Variants in RELN observed in about 807,000 individuals in gnomAD.
RELN encodes the protein reelin.
A neutral mutation model predicts 427.6 loss-of-function variants in RELN; 108 were observed. The observed-to-expected ratio is 0.25, with a 90% confidence interval of 0.22 to 0.30. The LOEUF (loss-of-function observed/expected upper bound fraction) is 0.30. Among genes scored for constraint, RELN ranks in the 10% least tolerant of loss-of-function variants. RELN has a pLI of 1.00. For synonymous variants in RELN, 1,524 were observed against 1,513.4 expected (o/e 1.01, Z -0.16); for missense variants, 3,715 against 4,302.8 (o/e 0.86, Z 3.82).
rs1293280259 is a variant in RELN at position 103,489,873 on chromosome 7, T to A, written c.9632A>T (p.Lys3211Met). Residue 3211 changes from lysine (K) to methionine (M), a missense_variant, in exon 60 of 65, where the codon AAG (lysine) becomes ATG (methionine). This residue lies in a region of RELN where 1,310 missense variants were observed against 1,643.0 expected (regional missense o/e 0.80). Transcript: ENST00000428762. Reference protein sequence around the residue: ...SSATQFRWIQKGEETEKQSWA... With the variant: ...SSATQFRWIQMGEETEKQSWA... ...GCTTTGCTTCTCAGTTTCTTCTCCC[T>A]TCTGGATCCAGCGGAACTGTGTTGC... 1 of 1,614,062 alleles carries A rather than the reference T, an allele frequency of 6.2e-7. No homozygotes were observed. The highest frequency in any genetic ancestry group is 8.5e-7 in the Non-Finnish European group (1 of 1,180,038).
chr7:103,888,958 T>C (rs1238869091), intron 2 of RELN, among the ~76,000 whole-genome samples: 3 of 152,278 alleles, frequency 2.0e-5, no homozygotes, highest in East Asian at 3.9e-4. Flanking sequence ...TCTGACATTC[T>C]CACTTGGCCT....
At chr7:103,560,539 A>C (rs1290680029) in intron 36 of RELN, among the ~76,000 whole-genome samples, 1 of 152,166 alleles carries the variant, frequency 6.6e-6, no homozygotes, top group Non-Finnish European at 1.5e-5. Flanking sequence ...ATAAAAAGTT[A>C]TAGGACTTCT....
intron 2 of RELN, among the ~76,000 whole-genome samples, chr7:103,874,615 A>T (rs1462909980): frequency 6.8e-6 from 1 of 146,342 alleles, no homozygotes; most frequent in African/African-American, 2.4e-5. Flanking sequence ...CAATTGCTTC[A>T]AAGAGAATAA....
chr7:103,914,560 G>T (rs772562292), intron 2 of RELN, among the ~76,000 whole-genome samples: 1 of 151,984 alleles, frequency 6.6e-6, no homozygotes, highest in African/African-American at 2.4e-5. Context: ...TAATTTTATC[G>T]AGTGTTTTTT....
intron 4 of RELN, among the ~76,000 whole-genome samples, chr7:103,755,054 T>C (rs1212481152): frequency 6.6e-6 from 1 of 152,164 alleles, no homozygotes; most frequent in Non-Finnish European, 1.5e-5. Flanking sequence ...ACTCAACAGC[T>C]GTGCAGACTG....
Position 103,491,934 on chromosome 7 carries a change from TA to T in RELN, c.9443+18del. 7 of 1,584,034 alleles carry T rather than the reference TA, an allele frequency of 4.4e-6. No homozygotes were observed. Among genetic ancestry groups the T allele is most frequent in the Non-Finnish European group, 6.0e-6 (7 of 1,157,516 alleles). On this transcript the variant is annotated intron_variant, in intron 58 of 64. Coordinates refer to ENST00000428762, the MANE Select transcript of RELN (RefSeq NM_005045.4). Reference sequence around the variant, plus strand: ...GGGTATTCAAGTTTGAAGATAATGTTAAAAATTATTTCACAAACCTTGCATC... The same window carrying T: ...GGGTATTCAAGTTTGAAGATAATGTTAAAATTATTTCACAAACCTTGCATC...
At chr7:103,983,861 T>TTC (rs928808258) in intron 1 of RELN, among the ~76,000 whole-genome samples, 8 of 93,842 alleles carry the variant, frequency 8.5e-5, no homozygotes, top group African/African-American at 4.1e-4. Flanking sequence ...AACTTCATAT[T>TTC]TCTGTGTGTG....
At chr7:103,592,776 T>C (rs1831449625) in intron 27 of RELN, among the ~76,000 whole-genome samples, 1 of 152,210 alleles carries the variant, frequency 6.6e-6, no homozygotes, top group South Asian at 2.1e-4. Flanking sequence ...TGCAAATATA[T>C]TTGCTATTAA....
intron 2 of RELN, among the ~76,000 whole-genome samples, chr7:103,867,476 T>A (rs1794227652): frequency 6.6e-6 from 1 of 152,104 alleles, no homozygotes; most frequent in African/African-American, 2.4e-5. Flanking sequence ...TACAAACTAT[T>A]TTCAATGTAC....
chr7:103,775,859 C>T (rs1235160752), intron 4 of RELN, among the ~76,000 whole-genome samples: 1 of 152,170 alleles, frequency 6.6e-6, no homozygotes, highest in Admixed American at 6.5e-5. Flanking sequence ...ACTTGAGAAG[C>T]TCAGTCTCTC....
Position 103,725,528 on chromosome 7 carries a change from C to T in RELN, c.754-2337G>A, listed in dbSNP as rs139835506. Among the ~76,000 whole-genome samples, 80 of 152,112 alleles carry T rather than the reference C, an allele frequency of 5.3e-4. 2 individuals carry two copies. The highest frequency in any genetic ancestry group is 1.8e-3 in the African/African-American group (75 of 41,490). On this transcript the variant is annotated intron_variant, in intron 7 of 64. Transcript: ENST00000428762. ...GGCTGCAGTGAGCCATGATGGCACA[C>T]CTGGACACCAGCCTAGGTGACAGAG...
intron 4 of RELN, among the ~76,000 whole-genome samples, chr7:103,764,369 A>ATT (rs1219869490): frequency 6.6e-6 from 1 of 152,136 alleles, no homozygotes; most frequent in Non-Finnish European, 1.5e-5. Context: ...AGACTCAAAG[A>ATT]TTTCATGGCT....
In RELN at chr7:103,539,767, A is replaced by G. The variant is rs79120224; in HGVS notation, c.6930+430T>C. On this transcript the variant is annotated intron_variant, in intron 44 of 64. Transcript: ENST00000428762. ...ATTTGATATACATCTTATTATGTAT[A>G]AAGATCCTTTGGAGCAGTCTATAAG... Among the ~76,000 whole-genome samples the G allele has an allele frequency of 3.7e-4, 57 of 152,346 alleles. No individual in the cohort carries two copies. The East Asian group carries it at 0.01, about 27-fold the overall frequency.
Position 103,510,177 on chromosome 7 carries a change from A to G in RELN, c.8274+674T>C, listed in dbSNP as rs145980562. On this transcript the variant is annotated intron_variant, in intron 51 of 64. Coordinates refer to ENST00000428762, the MANE Select transcript of RELN (RefSeq NM_005045.4). ...GGATTATAAATCATTCTACTATAAAAATACATGCACACGTATGTTTACTGC... is the reference window on the plus strand; with the variant it reads ...GGATTATAAATCATTCTACTATAAAGATACATGCACACGTATGTTTACTGC... Among the ~76,000 whole-genome samples, 255 of 152,264 alleles carry G rather than the reference A, an allele frequency of 1.7e-3. 1 individual carries two copies. Among genetic ancestry groups the G allele is most frequent in the African/African-American group, 5.9e-3 (245 of 41,572 alleles).
At chr7:103,540,957 G>A (rs1183685538) in intron 43 of RELN, among the ~76,000 whole-genome samples, 4 of 152,198 alleles carry the variant, frequency 2.6e-5, no homozygotes, top group African/African-American at 9.7e-5. Context: ...TTGGCTTTGG[G>A]AGGCACATTT....
intron 1 of RELN, among the ~76,000 whole-genome samples, chr7:103,974,099 T>C (rs1397961726): frequency 6.6e-6 from 1 of 152,138 alleles, no homozygotes; most frequent in East Asian, 1.9e-4. Context: ...GCCGAGACGG[T>C]GCCACTGCAC....
chr7:103,530,777 C>T (rs1290250000), intron 46 of RELN, among the ~76,000 whole-genome samples: 2 of 152,206 alleles, frequency 1.3e-5, no homozygotes, highest in African/African-American at 4.8e-5. Flanking sequence ...CAGGGCCCAT[C>T]TCTTCCATGA....
intron 2 of RELN, among the ~76,000 whole-genome samples, chr7:103,909,683 TAATA>T (rs1232680825): frequency 2.6e-5 from 2 of 77,172 alleles, no homozygotes; most frequent in East Asian, 3.2e-4. Context: ...TAAATATATT[TAATA>T]AATATATATA....
At chr7:103,742,390 C>G (rs1309973434) in intron 6 of RELN, among the ~76,000 whole-genome samples, 4 of 152,166 alleles carry the variant, frequency 2.6e-5, no homozygotes, top group Non-Finnish European at 5.9e-5. Context: ...CAGCTCCTCA[C>G]CAGTAACGGA....
Sources: gnomAD v4.1 joint callset for allele counts (sites outside exome capture counted in the v4.1 genomes callset) on GRCh38, gnomAD v4.1.1 for gene constraint, gnomAD v4.1.1 regional missense constraint, MANE v1.5 for transcripts, NCBI Gene and HGNC (gene_info 2026-07-23, HGNC 2026-07-21) for gene names.